Variants in SREBF1 observed in about 807,000 individuals in gnomAD.
SREBF1 encodes the protein sterol regulatory element-binding protein 1.
A neutral mutation model predicts 100.1 loss-of-function variants in SREBF1; 45 were observed. The ratio of observed to expected loss-of-function variants is 0.45; its 90% CI spans 0.35 to 0.58. SREBF1 has a LOEUF of 0.58. Among genes scored for constraint, SREBF1 ranks in the 20% least tolerant of loss-of-function variants. The pLI is 0.00. For synonymous variants in SREBF1, 657 were observed against 681.8 expected (o/e 0.96, Z 0.57); for missense variants, 1,324 against 1,539.4 (o/e 0.86, Z 2.34).
chr17:17,832,781 A>G lies in SREBF1; in HGVS notation c.91+3946T>C, dbSNP rs1049493593. On this transcript the variant is annotated intron_variant, in intron 1 of 18. Coordinates refer to ENST00000261646, the MANE Select transcript of SREBF1 (RefSeq NM_004176.5). Reference sequence around the variant, plus strand: ...TAAAAATACAAAAAATTAGCCAGGCATGGTGGCACGCACCTATAGTCCCAA... The same window carrying G: ...TAAAAATACAAAAAATTAGCCAGGCGTGGTGGCACGCACCTATAGTCCCAA... Among the ~76,000 whole-genome samples, 75 of 152,088 alleles carry G rather than the reference A, an allele frequency of 4.9e-4. No individual in the cohort carries two copies. In the Middle Eastern group the frequency reaches 0.01, roughly 21 times the overall value.
chr17:17,819,569 G>A lies in SREBF1; in HGVS notation c.680C>T (p.Thr227Ile). Reference protein sequence around the residue: ...TAAPTAAPVTTTVTSQIQQVP... With the variant: ...TAAPTAAPVTITVTSQIQQVP... ...CTGCTGGATCTGCGAGGTCACAGTG[G>A]TCGTTACAGGGGCTGCCGTGGGGGC... Residue 227 changes from threonine (T) to isoleucine (I), a missense_variant, in exon 3 of 19, where the codon ACC becomes ATC. Thr to Ile is a moderately conservative substitution (Grantham distance 89). Coordinates refer to ENST00000261646, the MANE Select transcript of SREBF1 (RefSeq NM_004176.5). 1.2e-6 allele frequency: 2 copies of A among 1,613,924 alleles called. No individual in the cohort carries two copies. Among genetic ancestry groups the A allele is most frequent in the Non-Finnish European group, 1.7e-6 (2 of 1,180,008 alleles).
chr17:17,820,428 G>A lies in SREBF1; in HGVS notation c.185C>T (p.Ala62Val). ...AGSGAGGTDP[A>V]SPDTSSPGSL... is the part of the protein sequence containing the mutation. ...GCCTGGGGAGCTGGTATCGGGGCTG[G>A]CAGGGTCTGTGCCCCCTGCCCCACT... The change falls in exon 2 of 19, where the codon GCC (alanine) becomes GTC (valine). Residue 62 changes from alanine (A) to valine (V), a missense_variant. Physicochemically the swap from Ala to Val is moderately conservative, Grantham distance 64 (BLOSUM62 0). Transcript: ENST00000261646. The A allele has an allele frequency of 6.2e-7, 1 of 1,613,732 alleles. No homozygotes were observed. Among genetic ancestry groups the A allele is most frequent in the Non-Finnish European group, 8.5e-7 (1 of 1,179,772 alleles).
chr17:17,821,616 G>A (rs745764950), intron 1 of SREBF1, among the ~76,000 whole-genome samples: 1 of 152,176 alleles, frequency 6.6e-6, no homozygotes, highest in Non-Finnish European at 1.5e-5. Context: ...AGTTTACAGG[G>A]GGAAGAGGGG....
rs1039818667 is a variant in SREBF1 at position 17,811,598 on chromosome 17, G to A, written c.*1024C>T. 1.0e-5 allele frequency: 4 copies of A among 398,636 alleles called. No homozygotes were observed. In the East Asian group the frequency reaches 2.9e-4, roughly 29 times the overall value. The allele number at this position is 398,636 out of a possible 1,614,324, so 24.7% of individuals were successfully genotyped here. On this transcript the variant is annotated 3_prime_UTR_variant, in exon 19 of 19. Coordinates refer to ENST00000261646, the MANE Select transcript of SREBF1 (RefSeq NM_004176.5). ...TTTCACAGAACAGGAAACCTCCCCCGCCCCTGTGCCCCCTCTCCAGTGTGG... is the reference window on the plus strand; with the variant it reads ...TTTCACAGAACAGGAAACCTCCCCCACCCCTGTGCCCCCTCTCCAGTGTGG...
At chr17:17,815,513 G>A (rs1193417445) in intron 12 of SREBF1, 184 bp from the exon 13 acceptor site, 3 of 607,448 alleles carry the variant, frequency 4.9e-6, no homozygotes, top group Admixed American at 5.8e-5. Flanking sequence ...ACCAGCACCA[G>A]CCTTGGCCAG....
At chr17:17,816,810 T>C in intron 9 of SREBF1, 92 bp from the exon 10 acceptor site, 1 of 1,572,298 alleles carries the variant, frequency 6.4e-7, no homozygotes, top group South Asian at 1.1e-5. Context: ...TCTGGAGGGG[T>C]GGTGGGGGTC....
chr17:17,815,904 A>G lies in SREBF1; in HGVS notation c.2339T>C (p.Leu780Pro). The change falls in exon 12 of 19, where the codon CTC (leucine) becomes CCC (proline). Residue 780 changes from leucine (L) to proline (P), a missense_variant. Leu to Pro is a moderately conservative substitution (Grantham distance 98). Transcript: ENST00000261646. ...GTACAGGCTCTCCCATGGGGTACTGAGCACGGACCAGTCCCCATCCACGAA... is the reference window on the plus strand; with the variant it reads ...GTACAGGCTCTCCCATGGGGTACTGGGCACGGACCAGTCCCCATCCACGAA... ...RFFVDGDWSV[L>P]STPWESLYSL... is the part of the protein sequence containing the mutation. 1 of 1,612,950 alleles carries G rather than the reference A, an allele frequency of 6.2e-7. No individual in the cohort carries two copies. Among genetic ancestry groups the G allele is most frequent in the Non-Finnish European group, 8.5e-7 (1 of 1,179,926 alleles).
Position 17,816,516 on chromosome 17 carries a change from C to T in SREBF1, c.1988G>A (p.Ser663Asn). ...CAGGGCTGCGTCTCGGGCGCTGGCG[C>T]TAGCATCCACTCGCAGAGCACAGTC... ...QQDCALRVDA[S>N]ASARDAALVY... is the part of the protein sequence containing the mutation. The change falls in exon 10 of 19, where the codon AGC (serine) becomes AAC (asparagine). Residue 663 changes from serine to asparagine, a missense_variant. Coordinates refer to ENST00000261646, the MANE Select transcript of SREBF1 (RefSeq NM_004176.5). The T allele has an allele frequency of 6.2e-7, 1 of 1,603,194 alleles. No homozygotes were observed. The highest frequency in any genetic ancestry group is 1.7e-5 in the Admixed American group (1 of 58,528).
At chr17:17,829,666 A>G (rs991727226) in intron 1 of SREBF1, among the ~76,000 whole-genome samples, 2 of 152,112 alleles carry the variant, frequency 1.3e-5, no homozygotes, top group African/African-American at 4.8e-5. Flanking sequence ...TTGTTTTGAG[A>G]CAGGGCCTCA....
Position 17,817,813 on chromosome 17 carries a change from G to A in SREBF1, c.1287C>T (p.Pro429=), listed in dbSNP as rs758739978. ...TCTGGAAAGGTGAGCCAGCATCCGA[G>A]GGGGGTGGGGTCAGTGTGTCCTCCA... is the stretch of plus-strand genomic sequence containing the variant. The part of the protein sequence containing the change: ...TEVEDTLTPP[P]SDAGSPFQSS... The change falls in exon 7 of 19, where the codon CCC becomes CCT. Residue 429 remains proline, a synonymous_variant. Transcript: ENST00000261646. This position sits in a 1 kb window ranked among gnomAD's most constrained non-coding sequence, Gnocchi z 6.6. 3.7e-6 allele frequency: 6 copies of A among 1,612,568 alleles called. 1 individual carries two copies. In the South Asian group the frequency reaches 4.4e-5, roughly 12 times the overall value.
rs893831036 is a variant in SREBF1 at position 17,824,348 on chromosome 17, C to G, written c.92-3827G>C. Among the ~76,000 whole-genome samples, 1 of 152,180 alleles carries G rather than the reference C, an allele frequency of 6.6e-6. No individual in the cohort carries two copies. Among genetic ancestry groups the G allele is most frequent in the Non-Finnish European group, 1.5e-5 (1 of 68,030 alleles). On this transcript the variant is annotated intron_variant, in intron 1 of 18. Coordinates refer to ENST00000261646, the MANE Select transcript of SREBF1 (RefSeq NM_004176.5). The surrounding 1 kb of genome is among the most constrained non-coding windows in gnomAD (Gnocchi z 4.2). ...ACTGAGGCCTGGAAATAAGGGTTTC[C>G]TGACTGCCAGCACCGATGTCCCTCT...
chr17:17,825,244 T>C (rs993111673), intron 1 of SREBF1, among the ~76,000 whole-genome samples: 1 of 152,246 alleles, frequency 6.6e-6, no homozygotes, highest in African/African-American at 2.4e-5. Flanking sequence ...CTTACCCATC[T>C]TGGCTTTACC....
rs1411119948 is a variant in SREBF1 at position 17,817,905 on chromosome 17, C to G, written c.1195G>C (p.Asp399His). ...CCACTGCCACAGGCCGACACCAGATCCTTCAGAGATTCTGTGGGCCGAAAG... is the reference window on the plus strand; with the variant it reads ...CCACTGCCACAGGCCGACACCAGATGCTTCAGAGATTCTGTGGGCCGAAAG... ...TAVHKSKSLK[D>H]LVSACGSGGN... Residue 399 changes from aspartate to histidine, a missense_variant, in exon 7 of 19, where the codon GAT (aspartate) becomes CAT (histidine). Transcript: ENST00000261646. This position sits in a 1 kb window ranked among gnomAD's most constrained non-coding sequence, Gnocchi z 6.6. 1 of 1,601,058 alleles carries G rather than the reference C, an allele frequency of 6.2e-7. No individual in the cohort carries two copies. Among genetic ancestry groups the G allele is most frequent in the South Asian group, 1.1e-5 (1 of 91,082 alleles).
At position 17,817,569 on chromosome 17, in the gene SREBF1, G is replaced by A; in HGVS notation, c.1405-112C>T. 1 of 1,521,850 alleles carries A rather than the reference G, an allele frequency of 6.6e-7. No individual in the cohort carries two copies. The highest frequency in any genetic ancestry group is 1.4e-5 in the African/African-American group (1 of 72,898). The allele number at this position is 1,521,850 out of a possible 1,614,324, so 94.3% of individuals were successfully genotyped here. On this transcript the variant is annotated intron_variant, in intron 7 of 18. Coordinates refer to ENST00000261646, the MANE Select transcript of SREBF1 (RefSeq NM_004176.5). This position sits in a 1 kb window ranked among gnomAD's most constrained non-coding sequence, Gnocchi z 6.6. Reference sequence around the variant, plus strand: ...CCACCTTACTGTGGGACCCCACGTGGCTCCAGGCCTCAGTTATTCTGTCTA... The same window carrying A: ...CCACCTTACTGTGGGACCCCACGTGACTCCAGGCCTCAGTTATTCTGTCTA...
At position 17,814,815 on chromosome 17, in the gene SREBF1, G is replaced by C. The variant is rs1446924542; in HGVS notation, c.2602+20C>G. ...ACGGGGGAGCTGAGAAGGGAGCCAG[G>C]ACAGGGGCCGGGGACTCACCGGTGG... On this transcript the variant is annotated intron_variant, in intron 14 of 18. Transcript: ENST00000261646. The C allele has an allele frequency of 8.7e-6, 14 of 1,604,444 alleles. No homozygotes were observed. Among genetic ancestry groups the C allele is most frequent in the Non-Finnish European group, 1.0e-5 (12 of 1,176,010 alleles).
chr17:17,818,651 G>T lies in SREBF1; in HGVS notation c.1069-277C>A. On this transcript the variant is annotated intron_variant, in intron 5 of 18. Transcript: ENST00000261646. The stretch of plus-strand genomic sequence containing the variant: ...GGGAGGCCTTCCCTGGCTACCACCA[G>T]GGGACCCTCACCATCCTCTTCCTGC... The T allele has an allele frequency of 5.9e-6, 3 of 511,698 alleles. 1 individual carries two copies. The South Asian group carries it at 6.0e-5, about 10-fold the overall frequency. The allele number at this position is 511,698 out of a possible 1,614,324, so 31.7% of individuals were successfully genotyped here.
chr17:17,831,763 T>A (rs1188362388), intron 1 of SREBF1, among the ~76,000 whole-genome samples: 1 of 151,938 alleles, frequency 6.6e-6, no homozygotes, highest in African/African-American at 2.4e-5. Context: ...TCACCTGAGG[T>A]CTTGGTGCAG....
Position 17,812,826 on chromosome 17 carries a change from C to A in SREBF1, c.3240G>T (p.Arg1080=). 6.8e-7 allele frequency: 1 copy of A among 1,476,532 alleles called. No homozygotes were observed. Among genetic ancestry groups the A allele is most frequent in the Non-Finnish European group, 8.9e-7 (1 of 1,120,848 alleles). 91.5% of individuals were successfully genotyped at this position (1,476,532 alleles called of 1,614,324 possible). Reference sequence around the variant, plus strand: ...CCTCCGCGTGCTCCCGCCGCGTGGGCCGCGGCTCCAGCTCCGCCACCGCGC... The same window carrying A: ...CCTCCGCGTGCTCCCGCCGCGTGGGACGCGGCTCCAGCTCCGCCACCGCGC... ...KGGAVAELEP[R]PTRREHAEAL... is the part of the protein sequence containing the mutation. Residue 1080 remains arginine, a synonymous_variant, in exon 19 of 19, where the codon CGG becomes CGT. Transcript: ENST00000261646.
At position 17,813,926 on chromosome 17, in the gene SREBF1, G is replaced by A. The variant is rs1567955387; in HGVS notation, c.2902-157C>T. 4.1e-5 allele frequency: 34 copies of A among 826,472 alleles called. No individual in the cohort carries two copies. The South Asian group carries it at 5.5e-4, about 13-fold the overall frequency. 51.2% of individuals were successfully genotyped at this position (826,472 alleles called of 1,614,324 possible). ...TGCAACAGCAATGCACCGCGGGGCC[G>A]CCCGCCTCTCTCGGCCCCCACACCC... On this transcript the variant is annotated intron_variant, in intron 16 of 18. Coordinates refer to ENST00000261646, the MANE Select transcript of SREBF1 (RefSeq NM_004176.5).
Sources: gnomAD v4.1 joint callset for allele counts (sites outside exome capture counted in the v4.1 genomes callset) on GRCh38, gnomAD v4.1.1 for gene constraint, Gnocchi (gnomAD v3.1) non-coding constraint, MANE v1.5 for transcripts, NCBI Gene and HGNC (gene_info 2026-07-23, HGNC 2026-07-21) for gene names.